AIRE: variants seen among roughly 807,000 people sequenced by gnomAD.
The protein encoded by AIRE is autoimmune polyendocrinopathy candidiasis ectodermal dystrophy protein.
In AIRE, 52 loss-of-function variants were observed where a neutral mutation model predicts 62.1. The ratio of observed to expected loss-of-function variants is 0.84; its 90% CI spans 0.67 to 1.06. AIRE has a LOEUF of 1.06. AIRE is among the 50% of genes least tolerant of loss of function. AIRE has a pLI of 0.00. For synonymous variants in AIRE, 342 were observed against 321.6 expected (o/e 1.06, Z -0.68); for missense variants, 774 against 755.8 (o/e 1.02, Z -0.28).
At position 44,293,890 on chromosome 21, in the gene AIRE, A is replaced by G. The variant is rs1288525660; in HGVS notation, c.1380A>G (p.Pro460=). Residue 460 remains proline, a synonymous_variant, in exon 11 of 14, where the codon CCA becomes CCG. Coordinates refer to ENST00000291582, the MANE Select transcript of AIRE (RefSeq NM_000383.4). ...AAAFHWRCHF[P]AGTSRPGTGL... is the part of the protein sequence containing the mutation. The stretch of plus-strand genomic sequence containing the variant: ...CCTTCCACTGGCGCTGCCACTTCCC[A>G]GCCGGCACCTCCCGGCCCGGGTGAG... 6.3e-7 allele frequency: 1 copy of G among 1,596,700 alleles called. No individual in the cohort carries two copies. Among genetic ancestry groups the G allele is most frequent in the Non-Finnish European group, 8.5e-7 (1 of 1,179,498 alleles).
In AIRE at chr21:44,290,036, C is replaced by A. The variant is rs2040520391; in HGVS notation, c.847C>A (p.Leu283Met). The change falls in exon 7 of 14, where the codon CTG becomes ATG. Residue 283 changes from leucine (L) to methionine (M), a missense_variant. Leu to Met is a conservative substitution (Grantham distance 15). This residue lies in a region of AIRE where 385 missense variants were observed against 396.0 expected (regional missense o/e 0.97). Coordinates refer to ENST00000291582, the MANE Select transcript of AIRE (RefSeq NM_000383.4). ...LGQQGSVPAP[L>M]ALPSDPQLHQ... is the part of the protein sequence containing the mutation. Reference sequence around the variant, plus strand: ...CCAGCAGGGCAGCGTTCCCGCCCCTCTGGCCCTCCCCAGTGACCCCCAGCT... The same window carrying A: ...CCAGCAGGGCAGCGTTCCCGCCCCTATGGCCCTCCCCAGTGACCCCCAGCT... 1 of 1,612,024 alleles carries A rather than the reference C, an allele frequency of 6.2e-7. No homozygotes were observed. Among genetic ancestry groups the A allele is most frequent in the South Asian group, 1.1e-5 (1 of 90,926 alleles).
rs1568929025 is a variant in AIRE, at chr21:44,292,333, G to C, written c.1027G>C (p.Ala343Pro). The change falls in exon 9 of 14, where the codon GCA (alanine) becomes CCA (proline). Residue 343 changes from alanine (A) to proline (P), a missense_variant. Coordinates refer to ENST00000291582, the MANE Select transcript of AIRE (RefSeq NM_000383.4). ...GTWRCSSCLQ[A>P]TVQEVQPRAE... ...CTGGAGGTGCTCCAGCTGCCTGCAG[G>C]CAACAGTCCAGGAGGTGCAGCCCCG... The C allele has an allele frequency of 6.3e-7, 1 of 1,577,842 alleles. No individual in the cohort carries two copies. The highest frequency in any genetic ancestry group is 1.2e-5 in the South Asian group (1 of 86,024).
chr21:44,287,699 G>T lies in AIRE; in HGVS notation c.538+108G>T, dbSNP rs1012934735. 6.9e-5 allele frequency: 82 copies of T among 1,185,440 alleles called. No homozygotes were observed. The highest frequency in any genetic ancestry group is 9.1e-5 in the Non-Finnish European group (75 of 822,388). 73.4% of individuals were successfully genotyped at this position (1,185,440 alleles called of 1,614,324 possible). A position where few individuals can be genotyped will look rare whatever the true frequency, so the allele number is the denominator to read the frequency against. ...AGACCCTGTCCTAGGGGCTGGGGAC[G>T]TGCTGGCCTGGTGTGTCATTCCAAG... On this transcript the variant is annotated intron_variant, in intron 4 of 13. Coordinates refer to ENST00000291582, the MANE Select transcript of AIRE (RefSeq NM_000383.4). The surrounding 1 kb of genome is among the most constrained non-coding windows in gnomAD (Gnocchi z 4.3).
chr21:44,294,058 C>T, intron 11 of AIRE, 148 bp downstream of exon 11: 2 of 1,120,402 alleles, frequency 1.8e-6, no homozygotes, highest in Non-Finnish European at 2.5e-6. Flanking sequence ...ACCCCACACC[C>T]ATGCCCTGCA....
At chr21:44,289,957 C>T (rs772426095) in intron 6 of AIRE, 31 bp from the exon 7 acceptor site, 3 of 1,605,876 alleles carry the variant, frequency 1.9e-6, no homozygotes, top group Non-Finnish European at 2.6e-6. Context: ...GCTGAGGCTG[C>T]CCCCATTGCT....
Position 44,297,611 on chromosome 21 carries a change from G to A in AIRE, c.1567-45G>A, listed in dbSNP as rs1227103911. The A allele has an allele frequency of 1.2e-5, 18 of 1,504,308 alleles. No homozygotes were observed. Among genetic ancestry groups the A allele is most frequent in the Admixed American group, 1.7e-5 (1 of 59,020 alleles). The allele number at this position is 1,504,308 out of a possible 1,614,324, so 93.2% of individuals were successfully genotyped here. A position where few individuals can be genotyped will look rare whatever the true frequency, so the allele number is the denominator to read the frequency against. Reference sequence around the variant, plus strand: ...ACGATGGCCATGATTCTGTGGCTGCGGCGGGGGCGCACCTGGAGGTTCTCA... The same window carrying A: ...ACGATGGCCATGATTCTGTGGCTGCAGCGGGGGCGCACCTGGAGGTTCTCA... On this transcript the variant is annotated intron_variant, in intron 13 of 13. Transcript: ENST00000291582. This position sits in a 1 kb window ranked among gnomAD's most constrained non-coding sequence, Gnocchi z 4.8.
Sources: gnomAD v4.1 joint callset for allele counts on GRCh38, gnomAD v4.1.1 for gene constraint, gnomAD v4.1.1 regional missense constraint, Gnocchi (gnomAD v3.1) non-coding constraint, MANE v1.5 for transcripts, NCBI Gene and HGNC (gene_info 2026-07-23, HGNC 2026-07-21) for gene names.